TOMM70: variants seen among roughly 807,000 people sequenced by gnomAD.
TOMM70 encodes the protein translocase of outer mitochondrial membrane 70.
A neutral mutation model predicts 73.6 loss-of-function variants in TOMM70; 13 were observed. The observed-to-expected ratio is 0.18, with a 90% CI of 0.11 to 0.28. The LOEUF (loss-of-function observed/expected upper bound fraction) is 0.28. Ranked by LOEUF, TOMM70 falls within the 10% of genes least tolerant of loss-of-function variation. The pLI is 1.00. For synonymous variants in TOMM70, 257 were observed against 271.2 expected, an observed-to-expected ratio of 0.95 and a Z score of 0.51; for missense variants, 609 against 747.5, an observed-to-expected ratio of 0.81 and a Z score of 2.16.
At position 100,364,189 on chromosome 3, in the gene TOMM70, C is replaced by G. The variant is rs1485826940; in HGVS notation, c.*1375G>C. The G allele has an allele frequency of 6.6e-6, 1 of 152,084 alleles. No homozygotes were observed. 9.4% of individuals were successfully genotyped at this position (152,084 alleles called of 1,614,324 possible). ...ATGGAAATAAATCGTAAAGTGATTTCTAAGTAAGGAGGTGGAGTAAAGCTT... is the reference window on the plus strand; with the variant it reads ...ATGGAAATAAATCGTAAAGTGATTTGTAAGTAAGGAGGTGGAGTAAAGCTT... On this transcript the variant is annotated 3_prime_UTR_variant, in exon 12 of 12. Coordinates refer to ENST00000284320, the MANE Select transcript of TOMM70 (RefSeq NM_014820.5).
At chr3:100,379,222 T>C (rs1025353416) in intron 5 of TOMM70, among the ~76,000 whole-genome samples, 4 of 152,146 alleles carry the variant, frequency 2.6e-5, no homozygotes, top group Non-Finnish European at 5.9e-5. Context: ...TTGTATTAGG[T>C]GTCATGAGGT....
In TOMM70 at chr3:100,386,333, T is replaced by C. The variant is rs1310817758; in HGVS notation, c.510A>G (p.Lys170=). The change falls in exon 3 of 12, where the codon AAA becomes AAG. Residue 170 remains lysine, a synonymous_variant. Transcript: ENST00000284320. ...AAAFEQLQKW[K]EVAQDCTKAV... ...CTTTTGTACAGTCTTGTGCCACTTC[T>C]TTCCATTTTTGCTGTAATTGAAAGT... 1.3e-6 allele frequency: 2 copies of C among 1,598,876 alleles called. No homozygotes were observed. Among genetic ancestry groups the C allele is most frequent in the East Asian group, 4.5e-5 (2 of 44,674 alleles).
chr3:100,378,870 G>A (rs1706596346), intron 5 of TOMM70, among the ~76,000 whole-genome samples: 1 of 152,132 alleles, frequency 6.6e-6, no homozygotes, highest in East Asian at 1.9e-4. Context: ...AGTCAGGCGT[G>A]GTGGCGGGTG....
At position 100,375,087 on chromosome 3, in the gene TOMM70, G is replaced by A. The variant is rs1170586705; in HGVS notation, c.1158C>T (p.Ser386=). The change falls in exon 7 of 12, where the codon TCC becomes TCT. Residue 386 remains serine (S), a synonymous_variant. Coordinates refer to ENST00000284320, the MANE Select transcript of TOMM70 (RefSeq NM_014820.5). ...CAGCAGCCATGTTAAAATCTTGAGT[G>A]GACAGCAAAGGCTGCTGCTGTTGCA... ...MYMQQQQPLL[S]TQDFNMAADI... is the part of the protein sequence containing the mutation. The A allele has an allele frequency of 3.7e-6, 6 of 1,609,602 alleles. No homozygotes were observed. The highest frequency in any genetic ancestry group is 2.2e-5 in the East Asian group (1 of 44,572).
At chr3:100,378,028 C>CT (rs1559831868) in intron 5 of TOMM70, 116 bp from the exon 6 acceptor site, 1 of 792,412 alleles carries the variant, frequency 1.3e-6, no homozygotes, top group Non-Finnish European at 2.0e-6. Context: ...GGGCGGATCA[C>CT]GAGGTCAGGC....
intron 1 of TOMM70, among the ~76,000 whole-genome samples, chr3:100,393,778 C>G (rs1706790408): frequency 6.6e-6 from 1 of 151,978 alleles, no homozygotes; most frequent in Non-Finnish European, 1.5e-5. Context: ...TAGTGGAATA[C>G]AAAGTAAGAA....
intron 9 of TOMM70, chr3:100,372,025 T>C (rs1344789681): frequency 6.6e-6 from 1 of 152,338 alleles, no homozygotes; most frequent in East Asian, 1.9e-4. Context: ...AGATCTTTTA[T>C]TTGAGGGGAA....
chr3:100,385,026 A>G (rs1262448053), intron 3 of TOMM70, among the ~76,000 whole-genome samples: 1 of 152,352 alleles, frequency 6.6e-6, no homozygotes, highest in South Asian at 2.1e-4. Flanking sequence ...TCATCTGGTT[A>G]TGTCACAGCT....
chr3:100,385,372 AAAGT>A (rs1454140216), intron 3 of TOMM70, among the ~76,000 whole-genome samples: 2 of 152,226 alleles, frequency 1.3e-5, no homozygotes, highest in African/African-American at 4.8e-5. Flanking sequence ...ACACACTACC[AAAGT>A]ATGTGCCACC....
At chr3:100,400,493 T>C (rs1038659933) in intron 1 of TOMM70, 133 bp downstream of exon 1, 13 of 957,380 alleles carry the variant, frequency 1.4e-5, no homozygotes, top group Non-Finnish European at 2.0e-5. Flanking sequence ...CAGAAATGAG[T>C]CTCCCTAAAC....
chr3:100,373,685 C>G (rs751908782), intron 7 of TOMM70, 40 bp from the exon 8 acceptor site: 25 of 480,532 alleles, frequency 5.2e-5, no homozygotes, highest in Non-Finnish European at 6.8e-5. Context: ...TTCAACTAGT[C>G]CAGTTAAGTA....
At chr3:100,400,486 A>C (rs1215240452) in intron 1 of TOMM70, 140 bp downstream of exon 1, 12 of 904,058 alleles carry the variant, frequency 1.3e-5, no homozygotes, top group Non-Finnish European at 2.0e-5. Flanking sequence ...TGGCAGCCAG[A>C]AATGAGTCTC....
At chr3:100,368,017 T>C (rs277640) in intron 11 of TOMM70, 27 bp downstream of exon 11, 1,100,031 of 1,602,058 alleles carry the variant, frequency 0.69, 381,677 homozygotes, top group East Asian at 0.92. Flanking sequence ...AGCTACCATA[T>C]ATTTCCTAAC....
rs976899175 is a variant in TOMM70 at position 100,364,666 on chromosome 3, C to T, written c.*898G>A. 2 of 152,114 alleles carry T rather than the reference C, an allele frequency of 1.3e-5. No homozygotes were observed. Among genetic ancestry groups the T allele is most frequent in the African/African-American group, 4.8e-5 (2 of 41,408 alleles). The allele number at this position is 152,114 out of a possible 1,614,324, so 9.4% of individuals were successfully genotyped here. A position where few individuals can be genotyped will look rare whatever the true frequency, so the allele number is the denominator to read the frequency against. ...ACAGCCTCGAGCTCCTGGTCTCAAGCCTCTTGCCTCAGCCTCCCTAGTAGC... is the reference window on the plus strand; with the variant it reads ...ACAGCCTCGAGCTCCTGGTCTCAAGTCTCTTGCCTCAGCCTCCCTAGTAGC... On this transcript the variant is annotated 3_prime_UTR_variant, in exon 12 of 12. Coordinates refer to ENST00000284320, the MANE Select transcript of TOMM70 (RefSeq NM_014820.5).
At chr3:100,393,044 C>T (rs746550877) in intron 1 of TOMM70, among the ~76,000 whole-genome samples, 11 of 151,952 alleles carry the variant, frequency 7.2e-5, no homozygotes, top group South Asian at 4.2e-4. Flanking sequence ...GGCATGGTGG[C>T]GCATGCTTGT....
intron 1 of TOMM70, among the ~76,000 whole-genome samples, chr3:100,399,897 G>A (rs1168696165): frequency 6.6e-6 from 1 of 152,080 alleles, no homozygotes; most frequent in Non-Finnish European, 1.5e-5. Flanking sequence ...GGGGTCCGGA[G>A]TGCAAAAGGA....
At position 100,381,699 on chromosome 3, in the gene TOMM70, T is replaced by A; in HGVS notation, c.800A>T (p.Asp267Val). 24 of 1,612,960 alleles carry A rather than the reference T, an allele frequency of 1.5e-5. No individual in the cohort carries two copies. Among genetic ancestry groups the A allele is most frequent in the Non-Finnish European group, 2.0e-5 (24 of 1,179,358 alleles). ...IKSYFSSFTD[D>V]IISQPMLKGE... is the part of the protein sequence containing the mutation. ...TTTAAGCATGGGCTGGGAAATGATATCATCCGTGAAAGAACTGAAGTAAGA... is the reference window on the plus strand; with the variant it reads ...TTTAAGCATGGGCTGGGAAATGATAACATCCGTGAAAGAACTGAAGTAAGA... The change falls in exon 5 of 12, where the codon GAT becomes GTT. Residue 267 changes from aspartate (D) to valine (V), a missense_variant. Asp to Val is a radical substitution (Grantham distance 152). This residue lies in a region of TOMM70 where 432 missense variants were observed against 584.1 expected (regional missense o/e 0.74). Coordinates refer to ENST00000284320, the MANE Select transcript of TOMM70 (RefSeq NM_014820.5).
intron 1 of TOMM70, among the ~76,000 whole-genome samples, chr3:100,390,271 A>C (rs552496753): frequency 6.6e-6 from 1 of 152,358 alleles, no homozygotes; most frequent in Non-Finnish European, 1.5e-5. Flanking sequence ...TAGTGTAGGA[A>C]ACAAACAACC....
rs1706429554 is a variant in TOMM70, at chr3:100,364,722, T to C, written c.*842A>G. On this transcript the variant is annotated 3_prime_UTR_variant, in exon 12 of 12. Coordinates refer to ENST00000284320, the MANE Select transcript of TOMM70 (RefSeq NM_014820.5). The stretch of plus-strand genomic sequence containing the variant: ...CTATAAATAGTATATACAGTGCCAC[T>C]GTACCCTCTATCCTACATTTTTAAA... 1 of 152,152 alleles carries C rather than the reference T, an allele frequency of 6.6e-6. No individual in the cohort carries two copies. The highest frequency in any genetic ancestry group is 2.4e-5 in the African/African-American group (1 of 41,428). 9.4% of individuals were successfully genotyped at this position (152,152 alleles called of 1,614,324 possible).
Sources: gnomAD v4.1 joint callset for allele counts (sites outside exome capture counted in the v4.1 genomes callset) on GRCh38, gnomAD v4.1.1 for gene constraint, gnomAD v4.1.1 regional missense constraint, MANE v1.5 for transcripts, NCBI Gene and HGNC (gene_info 2026-07-23, HGNC 2026-07-21) for gene names.